The following RCC2 variants were observed in gnomAD, a reference collection of about 807,000 sequenced individuals.
RCC2 encodes the protein regulator of chromosome condensation 2, also known as protein RCC2.
Under a neutral mutation model 64.1 loss-of-function variants are expected in RCC2, and 19 were observed. The ratio of observed to expected loss-of-function variants is 0.30; its 90% CI spans 0.21 to 0.44. The LOEUF (loss-of-function observed/expected upper bound fraction) is 0.44. Among genes scored for constraint, RCC2 ranks in the 20% least tolerant of loss-of-function variants. RCC2 has a pLI of 1.00. For missense variants in RCC2, 508 were observed against 710.4 expected, an observed-to-expected ratio of 0.72 and a Z score of 3.24; for synonymous variants, 325 against 279.6, an observed-to-expected ratio of 1.16 and a Z score of -1.62.
chr1:17,438,405 T>C lies in RCC2; in HGVS notation c.110A>G (p.Glu37Gly). ...KRGGPAGRKRERPERCSSSSG... is the reference protein window; with the variant it reads ...KRGGPAGRKRGRPERCSSSSG... Reference sequence around the variant, plus strand: ...GCTGCTACTGCAGCGCTCGGGCCGCTCGCGCTTCCTGCCCGCCGGGCCGCC... The same window carrying C: ...GCTGCTACTGCAGCGCTCGGGCCGCCCGCGCTTCCTGCCCGCCGGGCCGCC... The change falls in exon 2 of 13, where the codon GAG (glutamate) becomes GGG (glycine). Residue 37 changes from glutamate (E) to glycine (G), a missense_variant. Glu to Gly is a moderately conservative substitution (Grantham distance 98). This residue lies in a region of RCC2 where 195 missense variants were observed against 158.3 expected (regional missense o/e 1.23). Coordinates refer to ENST00000375436, the MANE Select transcript of RCC2 (RefSeq NM_018715.4). 7 of 1,264,578 alleles carry C rather than the reference T, an allele frequency of 5.5e-6. No individual in the cohort carries two copies. The highest frequency in any genetic ancestry group is 6.9e-6 in the Non-Finnish European group (7 of 1,009,278). 78.3% of individuals were successfully genotyped at this position (1,264,578 alleles called of 1,614,324 possible). A position where few individuals can be genotyped will look rare whatever the true frequency, so the allele number is the denominator to read the frequency against.
intron 12 of RCC2, among the ~76,000 whole-genome samples, 163 bp from the exon 13 acceptor site, chr1:17,409,357 T>C (rs1306075666): frequency 6.6e-6 from 1 of 152,244 alleles, no homozygotes. Context: ...CTAGTTTCCA[T>C]GTGACTGCCA....
At chr1:17,424,545 T>C (rs775474975) in intron 4 of RCC2, among the ~76,000 whole-genome samples, 3 of 152,130 alleles carry the variant, frequency 2.0e-5, no homozygotes, top group Non-Finnish European at 4.4e-5. Flanking sequence ...AAAGTATAAA[T>C]TTGGGCCAGA....
At chr1:17,425,711 A>G (rs1394357687) in intron 3 of RCC2, 27 bp from the exon 4 acceptor site, 1 of 1,589,898 alleles carries the variant, frequency 6.3e-7, no homozygotes, top group African/African-American at 1.3e-5. Context: ...AATGCAGATC[A>G]GACACCTGGG....
intron 11 of RCC2, 110 bp from the exon 12 acceptor site, chr1:17,410,161 T>A: frequency 1.1e-6 from 1 of 925,694 alleles, no homozygotes; most frequent in Non-Finnish European, 1.7e-6. Context: ...CCAGTGATGA[T>A]GCCCTCTGGC....
chr1:17,431,611 C>G (rs937117528), intron 2 of RCC2, among the ~76,000 whole-genome samples: 1 of 150,994 alleles, frequency 6.6e-6, no homozygotes. Context: ...TTTGGCAGTA[C>G]GGCTCACGCA....
Position 17,408,591 on chromosome 1 carries a change from T to C in RCC2, c.*499A>G, listed in dbSNP as rs2100346820. 1 of 159,054 alleles carries C rather than the reference T, an allele frequency of 6.3e-6. No individual in the cohort carries two copies. Among genetic ancestry groups the C allele is most frequent in the African/African-American group, 2.4e-5 (1 of 41,614 alleles). The allele number at this position is 159,054 out of a possible 1,614,324, so 9.9% of individuals were successfully genotyped here. On this transcript the variant is annotated 3_prime_UTR_variant, in exon 13 of 13. Transcript: ENST00000375436. ...AGCGGAGAAGGAGTGACCCGGATGC[T>C]TCCGAAGCACGCGAGCGTGATTTTG...
At chr1:17,414,911 C>T (rs923408296) in intron 8 of RCC2, among the ~76,000 whole-genome samples, 7 of 152,182 alleles carry the variant, frequency 4.6e-5, no homozygotes, top group Admixed American at 6.5e-5. Flanking sequence ...TGAACCACTG[C>T]GCCCGGCCTG....
chr1:17,425,396 A>ATC, intron 4 of RCC2, 145 bp downstream of exon 4: 1 of 796,746 alleles, frequency 1.3e-6, no homozygotes, highest in Non-Finnish European at 1.9e-6. Context: ...ACGAGCTGGG[A>ATC]ATTAGGAAAA....
At chr1:17,428,987 G>A (rs2075646866) in intron 3 of RCC2, 119 bp downstream of exon 3, 3 of 784,292 alleles carry the variant, frequency 3.8e-6, no homozygotes, top group Middle Eastern at 4.6e-4. Flanking sequence ...CCTCAGGCAA[G>A]TCACTTGGCC....
intron 10 of RCC2, among the ~76,000 whole-genome samples, chr1:17,412,789 G>A (rs943638143): frequency 6.6e-6 from 1 of 152,254 alleles, no homozygotes; most frequent in Non-Finnish European, 1.5e-5. Context: ...TCAACCTGCA[G>A]CGTAGGAATA....
chr1:17,431,288 C>G (rs1437483459), intron 2 of RCC2, among the ~76,000 whole-genome samples: 1 of 133,888 alleles, frequency 7.5e-6, no homozygotes, highest in African/African-American at 2.8e-5. Flanking sequence ...GAGCCAAGAT[C>G]GCACCACTGC....
intron 7 of RCC2, among the ~76,000 whole-genome samples, chr1:17,418,211 CT>C (rs1469762880): frequency 3.0e-5 from 4 of 133,720 alleles, no homozygotes; most frequent in African/African-American, 1.1e-4. Flanking sequence ...TAAGCAGGTT[CT>C]ATTTTTTTTT....
At chr1:17,431,060 C>T (rs1036737561) in intron 2 of RCC2, among the ~76,000 whole-genome samples, 11 of 151,154 alleles carry the variant, frequency 7.3e-5, no homozygotes, top group African/African-American at 2.4e-5. Flanking sequence ...TGGCCAGGCG[C>T]GGTGGCTCAC....
intron 1 of RCC2, 166 bp from the exon 2 acceptor site, chr1:17,438,688 C>T: frequency 1.7e-6 from 1 of 588,576 alleles, no homozygotes; most frequent in East Asian, 3.7e-5. Context: ...GAAATCGCGC[C>T]CCTCCCTGGC....
At chr1:17,439,122 C>T (rs1458040073) in intron 1 of RCC2, among the ~76,000 whole-genome samples, 6 of 152,046 alleles carry the variant, frequency 3.9e-5, no homozygotes, top group Non-Finnish European at 8.8e-5. Context: ...CGGCGGACTG[C>T]CCCCGGCGAC....
At position 17,431,868 on chromosome 1, in the gene RCC2, G is replaced by A. The variant is rs189439018; in HGVS notation, c.286-2669C>T. On this transcript the variant is annotated intron_variant, in intron 2 of 12. Transcript: ENST00000375436. ...CATCCCAGCACTTTGGGAGGCCAAA[G>A]TGGGTGGATCACCTGCGGTCAGGAG... 5.3e-5 allele frequency among the ~76,000 whole-genome samples: 8 copies of A among 152,314 alleles called. No homozygotes were observed. The East Asian group carries it at 1.5e-3, about 29-fold the overall frequency.
chr1:17,423,546 C>A (rs1364835423), intron 4 of RCC2, among the ~76,000 whole-genome samples: 1 of 152,216 alleles, frequency 6.6e-6, no homozygotes, highest in Non-Finnish European at 1.5e-5. Flanking sequence ...CAACCCCTAC[C>A]CCCAAGTCCT....
Position 17,418,213 on chromosome 1 carries a change from A to AT in RCC2, c.860-1568dup, listed in dbSNP as rs751372153. Among the ~76,000 whole-genome samples, 1,188 of 128,732 alleles carry AT rather than the reference A, an allele frequency of 9.2e-3. 12 individuals are homozygous for AT. Among genetic ancestry groups the AT allele is most frequent in the South Asian group, 0.015 (57 of 3,874 alleles). The allele number at this position is 128,732 out of a possible 152,430, so 84.5% of individuals were successfully genotyped here. ...AACACTCATCTCATAAGCAGGTTCT[A>AT]TTTTTTTTTTTTTTTTTTTGAGACA... On this transcript the variant is annotated intron_variant, in intron 7 of 12. Transcript: ENST00000375436.
intron 7 of RCC2, among the ~76,000 whole-genome samples, chr1:17,419,873 G>A (rs897058722): frequency 8.5e-5 from 13 of 152,206 alleles, no homozygotes; most frequent in African/African-American, 3.1e-4. Flanking sequence ...TGAAATGTGC[G>A]TAAGGGGCTG....
Sources: allele counts gnomAD v4.1 joint callset (sites outside exome capture counted in the v4.1 genomes callset), GRCh38; gene constraint gnomAD v4.1.1; regional missense constraint gnomAD v4.1.1; transcripts MANE v1.5; gene names NCBI Gene and HGNC (gene_info 2026-07-23, HGNC 2026-07-21).